The following DACH2 variants were observed in gnomAD, a reference collection of about 807,000 sequenced individuals.
DACH2 encodes dachshund homolog 2.
Under a neutral mutation model 35.8 loss-of-function variants are expected in DACH2, and 17 were observed. The ratio of observed to expected loss-of-function variants is 0.48; its 90% CI spans 0.33 to 0.71. The LOEUF is 0.71. Ranked by LOEUF, DACH2 falls within the 30% of genes least tolerant of loss-of-function variation. The pLI is 0.02. For synonymous variants in DACH2, 195 were observed against 177.3 expected (o/e 1.10, Z -0.79); for missense variants, 469 against 472.7 (o/e 0.99, Z 0.07).
intron 7 of DACH2, among the ~76,000 whole-genome samples, chrX:86,786,779 A>C (rs1011891494): frequency 1.8e-5 from 2 of 112,157 alleles, no homozygotes; most frequent in African/African-American, 6.5e-5. Context: ...TTTTCCTCCA[A>C]AAATAATTTT....
intron 1 of DACH2, among the ~76,000 whole-genome samples, chrX:86,283,313 A>T (rs1484847943): frequency 1.9e-4 from 21 of 111,514 alleles, no homozygotes; most frequent in Non-Finnish European, 4.0e-4. Flanking sequence ...ATTGTGGAAG[A>T]CAGTGTGGCA....
chrX:86,691,380 A>C (rs35146678), intron 4 of DACH2, among the ~76,000 whole-genome samples: 20,902 of 111,032 alleles, frequency 0.19, 1,587 homozygotes, highest in East Asian at 0.48. Context: ...TCAAAGGATA[A>C]ATGATTGAGG....
intron 1 of DACH2, among the ~76,000 whole-genome samples, chrX:86,242,703 G>A (rs754391570): frequency 9.0e-6 from 1 of 111,312 alleles, no homozygotes; most frequent in Non-Finnish European, 1.9e-5. Context: ...CAAATCTCAT[G>A]TCAAATTGTA....
chrX:86,701,545 C>T (rs1376138126), intron 5 of DACH2, among the ~76,000 whole-genome samples: 1 of 111,147 alleles, frequency 9.0e-6, no homozygotes, highest in Non-Finnish European at 1.9e-5. Flanking sequence ...CAAAGGCATC[C>T]AAAAAGTAAG....
At chrX:86,563,619 G>T (rs1324716334) in intron 3 of DACH2, among the ~76,000 whole-genome samples, 1 of 110,684 alleles carries the variant, frequency 9.0e-6, no homozygotes, top group African/African-American at 3.3e-5. Flanking sequence ...GAAATAAATG[G>T]AATGTAAGAT....
At chrX:86,277,754 A>G (rs916504371) in intron 1 of DACH2, among the ~76,000 whole-genome samples, 2 of 111,962 alleles carry the variant, frequency 1.8e-5, no homozygotes, top group Non-Finnish European at 3.8e-5. Context: ...GAGAGCAATC[A>G]TTGAAGCCAG....
At position 86,391,282 on chromosome X, in the gene DACH2, TAAAAAAAAAAAAAAAAAAAAAAAA is replaced by T. The variant is rs55941702; in HGVS notation, c.527+14437_527+14460del. ...TGGGTGACAGAGTGAGGCTCTGTCT[TAAAAAAAAAAAAAAAAAAAAAAAA>T]AAAAAAAAAAAAAAAAGACTGGTTT... On this transcript the variant is annotated intron_variant, in intron 2 of 11. Coordinates refer to ENST00000373125, the MANE Select transcript of DACH2 (RefSeq NM_053281.3). Among the ~76,000 whole-genome samples, 34 of 21,430 alleles carry T rather than the reference TAAAAAAAAAAAAAAAAAAAAAAAA, an allele frequency of 1.6e-3. 1 individual carries two copies. In the East Asian group the frequency reaches 0.056, roughly 35 times the overall value. The allele number at this position is 21,430 out of a possible 115,157, so 18.6% of individuals were successfully genotyped here.
At chrX:86,617,387 G>T (rs2040018167) in intron 3 of DACH2, among the ~76,000 whole-genome samples, 1 of 110,913 alleles carries the variant, frequency 9.0e-6, no homozygotes, top group Non-Finnish European at 1.9e-5. Context: ...TTTTAATGAT[G>T]TTGATTCTTT....
At chrX:86,450,714 A>G (rs1267036482) in intron 2 of DACH2, among the ~76,000 whole-genome samples, 1 of 106,041 alleles carries the variant, frequency 9.4e-6, no homozygotes, top group Non-Finnish European at 1.9e-5. Context: ...CTTTTCCTTC[A>G]CAAGCTTGCC....
rs751464512 is a variant in DACH2 at position 86,632,410 on chromosome X, G to A, written c.641-18626G>A. Among the ~76,000 whole-genome samples the A allele has an allele frequency of 1.5e-4, 16 of 109,383 alleles. No individual in the cohort carries two copies. The South Asian group carries it at 3.9e-3, about 27-fold the overall frequency. 95.0% of individuals were successfully genotyped at this position (109,383 alleles called of 115,157 possible). A position where few individuals can be genotyped will look rare whatever the true frequency, so the allele number is the denominator to read the frequency against. ...GATTTAGATGTTTATTAAAGTTATC[G>A]TAACACTTAAGAACTTCTCTCAACA... On this transcript the variant is annotated intron_variant, in intron 3 of 11. Coordinates refer to ENST00000373125, the MANE Select transcript of DACH2 (RefSeq NM_053281.3).
chrX:86,286,285 G>A (rs957670492), intron 1 of DACH2, among the ~76,000 whole-genome samples: 16 of 107,448 alleles, frequency 1.5e-4, no homozygotes, highest in Non-Finnish European at 7.7e-5. Context: ...CCGCCACCGC[G>A]CCCGGCTAAT....
intron 2 of DACH2, among the ~76,000 whole-genome samples, chrX:86,386,502 T>G (rs2036124810): frequency 9.0e-6 from 1 of 110,966 alleles, no homozygotes; most frequent in African/African-American, 3.3e-5. Flanking sequence ...CTGTGCAAAA[T>G]TATTTGGAAT....
At chrX:86,256,418 T>C (rs1431930447) in intron 1 of DACH2, among the ~76,000 whole-genome samples, 1 of 111,239 alleles carries the variant, frequency 9.0e-6, no homozygotes, top group East Asian at 2.8e-4. Context: ...ATGCATTGAA[T>C]TAAGGAAGCA....
intron 1 of DACH2, among the ~76,000 whole-genome samples, chrX:86,209,730 C>T (rs745472576): frequency 5.8e-4 from 65 of 111,139 alleles, no homozygotes; most frequent in Non-Finnish European, 1.0e-3. Flanking sequence ...AGCTGGCCTC[C>T]TACCACTTGT....
At chrX:86,405,296 C>T (rs2036508831) in intron 2 of DACH2, among the ~76,000 whole-genome samples, 3 of 111,994 alleles carry the variant, frequency 2.7e-5, no homozygotes, top group Admixed American at 1.9e-4. Context: ...CAAACTTTTA[C>T]ACTCTGCTTC....
chrX:86,735,946 A>G (rs1174951798), intron 6 of DACH2, among the ~76,000 whole-genome samples: 7 of 111,574 alleles, frequency 6.3e-5, no homozygotes, highest in African/African-American at 1.9e-4. Flanking sequence ...CTCATTTGTA[A>G]TAAAACAGAT....
chrX:86,552,279 G>A (rs940853548), intron 3 of DACH2, among the ~76,000 whole-genome samples: 12 of 111,557 alleles, frequency 1.1e-4, no homozygotes, highest in Non-Finnish European at 2.3e-4. Context: ...GTAATACTAA[G>A]TTGAATCTAA....
chrX:86,335,042 C>G (rs2035280824), intron 1 of DACH2, among the ~76,000 whole-genome samples: 2 of 111,649 alleles, frequency 1.8e-5, no homozygotes, highest in Non-Finnish European at 3.8e-5. Flanking sequence ...TTGTTTTGAT[C>G]AGGTTTGTCA....
chrX:86,673,810 G>A (rs2040797676), intron 4 of DACH2, among the ~76,000 whole-genome samples: 1 of 111,229 alleles, frequency 9.0e-6, no homozygotes, highest in South Asian at 3.8e-4. Context: ...TCTTATGATA[G>A]GGAGTGAGTT....
Sources: gnomAD v4.1 joint callset for allele counts (sites outside exome capture counted in the v4.1 genomes callset) on GRCh38, gnomAD v4.1.1 for gene constraint, MANE v1.5 for transcripts, NCBI Gene and HGNC (gene_info 2026-07-23, HGNC 2026-07-21) for gene names.